CNTN4: variants seen among roughly 807,000 people sequenced by gnomAD.
The protein encoded by CNTN4 is contactin 4, also known as contactin-4.
In CNTN4, 77 loss-of-function variants were observed where a neutral mutation model predicts 122.5. The ratio of observed to expected loss-of-function variants is 0.63; its 90% confidence interval spans 0.52 to 0.76. CNTN4 has a LOEUF of 0.76. Among genes scored for constraint, CNTN4 ranks in the 30% least tolerant of loss-of-function variants. CNTN4 has a pLI of 0.00. For missense variants in CNTN4, 1,256 were observed against 1,259.1 expected (o/e 1.00, Z 0.04); for synonymous variants, 512 against 447.0 (o/e 1.15, Z -1.83).
At chr3:2,867,093 T>G (rs1038429199) in intron 8 of CNTN4, 144 bp downstream of exon 8, 4 of 744,382 alleles carry the variant, frequency 5.4e-6, no homozygotes, top group African/African-American at 1.7e-5. Flanking sequence ...GGTACCCATA[T>G]TTTCTCCACT....
chr3:2,817,220 T>C (rs1285883544), intron 6 of CNTN4, among the ~76,000 whole-genome samples: 2 of 152,194 alleles, frequency 1.3e-5, no homozygotes, highest in Non-Finnish European at 2.9e-5. Flanking sequence ...GCATTCGCAA[T>C]GGACAGAAGA....
chr3:3,019,468 T>A (rs1328776247), intron 14 of CNTN4, among the ~76,000 whole-genome samples: 2 of 150,886 alleles, frequency 1.3e-5, no homozygotes, highest in African/African-American at 2.5e-5. Context: ...GTTTTTGTAT[T>A]TTTTTTAGTA....
At chr3:2,330,010 C>T (rs140353196) in intron 2 of CNTN4, among the ~76,000 whole-genome samples, 5 of 152,186 alleles carry the variant, frequency 3.3e-5, no homozygotes, top group East Asian at 1.9e-4. Flanking sequence ...GTTAAGAGCT[C>T]GGTCCCACGT....
At chr3:2,719,613 G>A (rs2087715512) in intron 4 of CNTN4, among the ~76,000 whole-genome samples, 1 of 151,988 alleles carries the variant, frequency 6.6e-6, no homozygotes, top group Admixed American at 6.6e-5. Flanking sequence ...TAGTAGAGAC[G>A]GGGTTTCACC....
At chr3:2,437,248 C>T (rs2048288697) in intron 3 of CNTN4, among the ~76,000 whole-genome samples, 1 of 152,132 alleles carries the variant, frequency 6.6e-6, no homozygotes, top group Non-Finnish European at 1.5e-5. Context: ...GTTTAGTTGA[C>T]ACTTTCATAG....
At chr3:2,964,968 C>T (rs894882044) in intron 13 of CNTN4, among the ~76,000 whole-genome samples, 2 of 152,144 alleles carry the variant, frequency 1.3e-5, no homozygotes, top group Admixed American at 6.6e-5. Context: ...GTTGAAGATA[C>T]AGCAGTGAAT....
chr3:2,459,951 A>G (rs1160120677), intron 3 of CNTN4, among the ~76,000 whole-genome samples: 2 of 152,096 alleles, frequency 1.3e-5, no homozygotes, highest in Non-Finnish European at 2.9e-5. Context: ...TTTCTGCTAA[A>G]CCCAGGCATT....
At chr3:2,611,313 G>GAAAA (rs1370397110) in intron 4 of CNTN4, among the ~76,000 whole-genome samples, 1 of 113,580 alleles carries the variant, frequency 8.8e-6, no homozygotes, top group Non-Finnish European at 1.7e-5. Flanking sequence ...AAAAAAAAAA[G>GAAAA]AAAGAAAGAA....
chr3:2,785,422 T>G (rs753432396), intron 6 of CNTN4, among the ~76,000 whole-genome samples: 1 of 152,106 alleles, frequency 6.6e-6, no homozygotes, highest in Admixed American at 6.5e-5. Context: ...CTTCAGTGGA[T>G]TGAATGATGC....
chr3:2,426,959 C>G (rs1559542845), intron 3 of CNTN4, among the ~76,000 whole-genome samples: 2 of 152,084 alleles, frequency 1.3e-5, no homozygotes, highest in Non-Finnish European at 2.9e-5. Flanking sequence ...ATTCTTCTCT[C>G]TTTTCTTCTT....
At chr3:3,027,704 A>T (rs1434288065) in intron 15 of CNTN4, among the ~76,000 whole-genome samples, 1 of 152,222 alleles carries the variant, frequency 6.6e-6, no homozygotes, top group African/African-American at 2.4e-5. Flanking sequence ...GATATTAAAA[A>T]TGCTAAATCT....
At chr3:2,682,104 AT>A (rs1175420391) in intron 4 of CNTN4, among the ~76,000 whole-genome samples, 2 of 152,208 alleles carry the variant, frequency 1.3e-5, no homozygotes, top group Non-Finnish European at 2.9e-5. Context: ...GTGCAAAGCC[AT>A]TGATAAGTGT....
chr3:2,522,088 A>G (rs971434245), intron 3 of CNTN4, among the ~76,000 whole-genome samples: 1 of 151,774 alleles, frequency 6.6e-6, no homozygotes, highest in Non-Finnish European at 1.5e-5. Context: ...ATCCATTATC[A>G]GGCAGGCAAA....
At chr3:2,334,319 A>G (rs935553492) in intron 2 of CNTN4, among the ~76,000 whole-genome samples, 3 of 152,016 alleles carry the variant, frequency 2.0e-5, no homozygotes, top group African/African-American at 7.2e-5. Flanking sequence ...TACCACATCT[A>G]GCTAATTTTT....
intron 4 of CNTN4, among the ~76,000 whole-genome samples, chr3:2,627,743 T>TA (rs1288519513): frequency 6.6e-5 from 10 of 152,260 alleles, no homozygotes; most frequent in Admixed American, 2.0e-4. Context: ...TCTGCCCGCC[T>TA]CGGCCTCCCA....
chr3:2,131,091 C>G (rs940229044), intron 2 of CNTN4, among the ~76,000 whole-genome samples: 94 of 152,244 alleles, frequency 6.2e-4, no homozygotes, highest in African/African-American at 2.1e-3. Flanking sequence ...AGACATGGTA[C>G]TTTACTTGTA....
At chr3:2,700,803 C>T (rs953503395) in intron 4 of CNTN4, among the ~76,000 whole-genome samples, 2 of 152,160 alleles carry the variant, frequency 1.3e-5, no homozygotes. Flanking sequence ...AAAGAAGTTT[C>T]GTTTAGCAAA....
chr3:2,792,612 G>A (rs921967696), intron 6 of CNTN4, among the ~76,000 whole-genome samples: 2 of 152,230 alleles, frequency 1.3e-5, no homozygotes, highest in Non-Finnish European at 2.9e-5. Context: ...TCCACTGAAT[G>A]TGGAAGTCCT....
At chr3:2,223,348 A>G (rs978257076) in intron 2 of CNTN4, among the ~76,000 whole-genome samples, 3 of 152,076 alleles carry the variant, frequency 2.0e-5, no homozygotes, top group Non-Finnish European at 2.9e-5. Flanking sequence ...GCATCCCTCC[A>G]TATATCCTTC....
Sources: gnomAD v4.1 joint callset for allele counts (sites outside exome capture counted in the v4.1 genomes callset) on GRCh38, gnomAD v4.1.1 for gene constraint, MANE v1.5 for transcripts, NCBI Gene and HGNC (gene_info 2026-07-23, HGNC 2026-07-21) for gene names.